ERG: variants seen among roughly 807,000 people sequenced by gnomAD.
ERG encodes the protein ETS transcription factor ERG.
ERG carries 9 observed loss-of-function variants against 55.3 expected under a neutral mutation model. The ratio of observed to expected loss-of-function variants is 0.16; its 90% CI spans 0.10 to 0.28. The LOEUF is 0.28. Among genes scored for constraint, ERG ranks in the 10% least tolerant of loss-of-function variants. The probability of loss-of-function intolerance (pLI) is 1.00; values close to 1 mark genes in which losing one functional copy is unlikely to be tolerated. For synonymous variants in ERG, 223 were observed against 237.3 expected (o/e 0.94, Z 0.55); for missense variants, 434 against 631.6 (o/e 0.69, Z 3.35).
intron 2 of ERG, among the ~76,000 whole-genome samples, chr21:38,562,467 T>G (rs1349120839): frequency 6.6e-6 from 1 of 152,130 alleles, no homozygotes; most frequent in East Asian, 1.9e-4. Flanking sequence ...GGGGGTAGTT[T>G]GTGGCGCACA....
At chr21:38,419,240 A>G (rs1360257641) in intron 3 of ERG, among the ~76,000 whole-genome samples, 1 of 152,242 alleles carries the variant, frequency 6.6e-6, no homozygotes, top group Non-Finnish European at 1.5e-5. Context: ...TCTTGCCAGA[A>G]CAACAGGCAC....
intron 1 of ERG, among the ~76,000 whole-genome samples, chr21:38,629,227 A>T (rs1264968399): frequency 3.9e-5 from 6 of 152,190 alleles, no homozygotes; most frequent in Non-Finnish European, 8.8e-5. Flanking sequence ...TTCTCCAGGG[A>T]AGTAAACTAA....
intron 2 of ERG, among the ~76,000 whole-genome samples, chr21:38,436,963 T>C (rs941096069): frequency 6.6e-5 from 10 of 151,238 alleles, no homozygotes; most frequent in Non-Finnish European, 2.9e-5. Flanking sequence ...TCTCAGCTCA[T>C]TGCAACCTCT....
intron 2 of ERG, among the ~76,000 whole-genome samples, chr21:38,529,833 G>GT (rs1163627258): frequency 7.2e-5 from 11 of 151,912 alleles, no homozygotes; most frequent in Non-Finnish European, 1.3e-4. Flanking sequence ...AGGCATGGTG[G>GT]TGGGCACCTG....
chr21:38,615,072 T>C (rs998182052), intron 1 of ERG, among the ~76,000 whole-genome samples: 7 of 152,226 alleles, frequency 4.6e-5, no homozygotes, highest in Admixed American at 2.0e-4. Context: ...CTCATAATAA[T>C]AACAATCTTA....
At chr21:38,568,884 G>A (rs74680252) in intron 2 of ERG, among the ~76,000 whole-genome samples, 2,081 of 152,322 alleles carry the variant, frequency 0.014, 31 homozygotes, top group Non-Finnish European at 0.019. Context: ...ACCTGGAAGA[G>A]ACAGCAAGGT....
intron 1 of ERG, among the ~76,000 whole-genome samples, chr21:38,623,017 A>G (rs988388993): frequency 1.4e-5 from 2 of 147,020 alleles, no homozygotes; most frequent in Non-Finnish European, 3.0e-5. Context: ...AAGCATGCAC[A>G]CACCACACAC....
intron 1 of ERG, among the ~76,000 whole-genome samples, chr21:38,594,107 T>C (rs1269958053): frequency 1.3e-5 from 2 of 152,136 alleles, no homozygotes; most frequent in Non-Finnish European, 2.9e-5. Context: ...TGAAAATAGT[T>C]CTATACCCAT....
At chr21:38,528,432 A>C (rs2059646081) in intron 2 of ERG, among the ~76,000 whole-genome samples, 1 of 34,600 alleles carries the variant, frequency 2.9e-5, no homozygotes, top group Non-Finnish European at 5.4e-5. Context: ...GCCATAGCAA[A>C]CTTTTTTTTT....
chr21:38,535,543 TA>T (rs71184630), intron 2 of ERG, among the ~76,000 whole-genome samples: 6,427 of 151,910 alleles, frequency 0.042, 152 homozygotes, highest in Middle Eastern at 0.12. Flanking sequence ...AAAACACCTT[TA>T]TTTTTTTCCC....
At chr21:38,620,106 T>A (rs2060281482) in intron 1 of ERG, among the ~76,000 whole-genome samples, 1 of 152,190 alleles carries the variant, frequency 6.6e-6, no homozygotes, top group South Asian at 2.1e-4. Flanking sequence ...CCTCCGTAAA[T>A]CAACATTTAA....
intron 2 of ERG, among the ~76,000 whole-genome samples, chr21:38,546,696 G>A (rs959239459): frequency 2.6e-5 from 4 of 152,162 alleles, no homozygotes; most frequent in African/African-American, 7.2e-5. Flanking sequence ...ACCTGGTCCA[G>A]CTCCCAGGTC....
intron 1 of ERG, among the ~76,000 whole-genome samples, chr21:38,640,716 A>G (rs540816749): frequency 1.6e-4 from 25 of 152,278 alleles, no homozygotes; most frequent in African/African-American, 5.8e-4. Context: ...TTTATAAACT[A>G]CCCAGTCTCA....
intron 2 of ERG, among the ~76,000 whole-genome samples, chr21:38,549,774 A>G (rs1211619215): frequency 6.6e-6 from 1 of 152,178 alleles, no homozygotes; most frequent in African/African-American, 2.4e-5. Context: ...ACAGACTGAC[A>G]CAAAAATTAA....
chr21:38,638,170 G>T (rs762432516), intron 1 of ERG, among the ~76,000 whole-genome samples: 1 of 152,212 alleles, frequency 6.6e-6, no homozygotes, highest in Non-Finnish European at 1.5e-5. Flanking sequence ...TCAGCCACTT[G>T]TCCCCATGGG....
At chr21:38,655,881 A>G (rs1414393929) in intron 1 of ERG, among the ~76,000 whole-genome samples, 1 of 152,172 alleles carries the variant, frequency 6.6e-6, no homozygotes, top group East Asian at 1.9e-4. Flanking sequence ...GCCCCCTCAA[A>G]TTATTTGGTG....
intron 1 of ERG, among the ~76,000 whole-genome samples, chr21:38,455,447 T>C (rs1293892643): frequency 6.6e-6 from 1 of 152,158 alleles, no homozygotes; most frequent in African/African-American, 2.4e-5. Context: ...GGCATGGTCC[T>C]TCTCTGAACA....
At chr21:38,535,358 T>G (rs566492719) in intron 2 of ERG, among the ~76,000 whole-genome samples, 2 of 152,320 alleles carry the variant, frequency 1.3e-5, no homozygotes, top group Admixed American at 1.3e-4. Flanking sequence ...GCACCAACAA[T>G]GTGAATATAC....
At chr21:38,437,888 G>A (rs1410810726) in intron 2 of ERG, among the ~76,000 whole-genome samples, 2 of 152,164 alleles carry the variant, frequency 1.3e-5, no homozygotes, top group Non-Finnish European at 2.9e-5. Context: ...AGGAGCCAGA[G>A]AGGCCCTGCA....
Sources: allele counts gnomAD v4.1 joint callset (sites outside exome capture counted in the v4.1 genomes callset), GRCh38; gene constraint gnomAD v4.1.1; transcripts MANE v1.5; gene names NCBI Gene and HGNC (gene_info 2026-07-23, HGNC 2026-07-21).